Variants in SLC39A11 observed in about 807,000 individuals in gnomAD.
SLC39A11 encodes solute carrier family 39 member 11, also known as zinc transporter ZIP11.
Under a neutral mutation model 36.1 loss-of-function variants are expected in SLC39A11, and 33 were observed. The ratio of observed to expected loss-of-function variants is 0.91; its 90% CI spans 0.69 to 1.22. The LOEUF (loss-of-function observed/expected upper bound fraction) is 1.22. SLC39A11 is among the 50% of genes most tolerant of loss of function. The pLI, the probability that SLC39A11 is intolerant of heterozygous loss-of-function variation, is 0.00. For synonymous variants in SLC39A11, 166 were observed against 170.3 expected (o/e 0.97, Z 0.20); for missense variants, 432 against 430.3 (o/e 1.00, Z -0.03).
intron 7 of SLC39A11, among the ~76,000 whole-genome samples, chr17:72,683,627 C>G (rs999220974): frequency 6.6e-6 from 1 of 152,104 alleles, no homozygotes; most frequent in African/African-American, 2.4e-5. Context: ...TGCGCCTGGC[C>G]TGAGGCTGAT....
intron 7 of SLC39A11, among the ~76,000 whole-genome samples, chr17:72,692,053 C>T (rs1182403512): frequency 6.6e-6 from 1 of 150,572 alleles, no homozygotes; most frequent in Non-Finnish European, 1.5e-5. Context: ...CTCTGTCACT[C>T]AGGCTGGAGT....
intron 6 of SLC39A11, among the ~76,000 whole-genome samples, chr17:72,737,344 G>A (rs2074474072): frequency 6.6e-6 from 1 of 152,124 alleles, no homozygotes; most frequent in African/African-American, 2.4e-5. Flanking sequence ...AAGTTGTACT[G>A]GCACACAGCC....
intron 7 of SLC39A11, among the ~76,000 whole-genome samples, chr17:72,654,141 A>G (rs1477651008): frequency 1.3e-5 from 2 of 152,084 alleles, no homozygotes; most frequent in Non-Finnish European, 2.9e-5. Flanking sequence ...TAGCCAGTCT[A>G]TAGGGGCAGG....
At chr17:72,739,481 A>G (rs2567476) in intron 6 of SLC39A11, among the ~76,000 whole-genome samples, 4,375 of 152,320 alleles carry the variant, frequency 0.029, 219 homozygotes, top group African/African-American at 0.1. Context: ...AAGAATTTTT[A>G]TAACAACCAA....
At chr17:72,679,556 C>G (rs1468614552) in intron 7 of SLC39A11, among the ~76,000 whole-genome samples, 1 of 152,176 alleles carries the variant, frequency 6.6e-6, no homozygotes, top group Non-Finnish European at 1.5e-5. Flanking sequence ...CAGCCGCGCC[C>G]ACCTCGGGCT....
Position 73,036,855 on chromosome 17 carries a change from C to T in SLC39A11, c.148-5141G>A, listed in dbSNP as rs2058935058. On this transcript the variant is annotated intron_variant, in intron 3 of 9. Coordinates refer to ENST00000255559, the MANE Select transcript of SLC39A11 (RefSeq NM_139177.4). ...TTACTGTATCATATACTTTCACTGC[C>T]CTAAAAAGTCCCTGTGCTCCACCTA... is the stretch of plus-strand genomic sequence containing the variant. Among the ~76,000 whole-genome samples, 3 of 152,106 alleles carry T rather than the reference C, an allele frequency of 2.0e-5. No individual in the cohort carries two copies. In the South Asian group the frequency reaches 6.2e-4, roughly 32 times the overall value.
At chr17:73,076,007 C>T (rs2060307754) in intron 3 of SLC39A11, among the ~76,000 whole-genome samples, 1 of 152,172 alleles carries the variant, frequency 6.6e-6, no homozygotes, top group Non-Finnish European at 1.5e-5. Context: ...TTTGGCAGAA[C>T]ACCTTGTACA....
intron 6 of SLC39A11, among the ~76,000 whole-genome samples, chr17:72,773,498 C>T (rs752082814): frequency 6.6e-6 from 1 of 152,082 alleles, no homozygotes; most frequent in Non-Finnish European, 1.5e-5. Context: ...GTAAGAAGTG[C>T]CTTTCACCTT....
chr17:72,850,799 T>C (rs2079272945), intron 5 of SLC39A11, among the ~76,000 whole-genome samples: 1 of 152,180 alleles, frequency 6.6e-6, no homozygotes, highest in Non-Finnish European at 1.5e-5. Flanking sequence ...TAAGTGCTGA[T>C]TGTATTGATG....
intron 7 of SLC39A11, among the ~76,000 whole-genome samples, chr17:72,649,618 CTG>C (rs997042589): frequency 6.6e-6 from 1 of 151,284 alleles, no homozygotes; most frequent in African/African-American, 2.4e-5. Flanking sequence ...TTCTACGCCT[CTG>C]TTTCTTTTTC....
chr17:72,691,081 C>T (rs2072006083), intron 7 of SLC39A11, among the ~76,000 whole-genome samples: 1 of 152,186 alleles, frequency 6.6e-6, no homozygotes, highest in African/African-American at 2.4e-5. Flanking sequence ...TACATGGAGT[C>T]TGCACAGGTG....
At position 72,937,970 on chromosome 17, in the gene SLC39A11, G is replaced by C. The variant is rs566750005; in HGVS notation, c.430+9782C>G. Among the ~76,000 whole-genome samples, 83 of 152,350 alleles carry C rather than the reference G, an allele frequency of 5.4e-4. No individual in the cohort carries two copies. The South Asian group carries it at 8.7e-3, about 16-fold the overall frequency. On this transcript the variant is annotated intron_variant, in intron 5 of 9. Coordinates refer to ENST00000255559, the MANE Select transcript of SLC39A11 (RefSeq NM_139177.4). ...AGTTTGTGTAATCAAGAAGTTGGCA[G>C]ACAGAGAGAGTGAATTCTGTTTCAG...
intron 6 of SLC39A11, among the ~76,000 whole-genome samples, chr17:72,771,484 G>A (rs921935610): frequency 1.3e-5 from 2 of 152,176 alleles, no homozygotes; most frequent in African/African-American, 4.8e-5. Context: ...GAGGAAATGG[G>A]GGGGTTACAG....
intron 6 of SLC39A11, among the ~76,000 whole-genome samples, chr17:72,806,030 C>A (rs373387540): frequency 6.6e-6 from 1 of 151,994 alleles, no homozygotes; most frequent in African/African-American, 2.4e-5. Context: ...TGGGATTACA[C>A]GTGTGAGCCA....
chr17:72,896,102 AATAG>A (rs768583138), intron 5 of SLC39A11, among the ~76,000 whole-genome samples: 7 of 151,920 alleles, frequency 4.6e-5, no homozygotes, highest in East Asian at 3.9e-4. Context: ...TGATTTTTGT[AATAG>A]ATAGGATTTT....
intron 5 of SLC39A11, among the ~76,000 whole-genome samples, chr17:72,893,414 C>T (rs979155565): frequency 6.6e-6 from 1 of 152,032 alleles, no homozygotes; most frequent in Non-Finnish European, 1.5e-5. Flanking sequence ...GACCCAGGAT[C>T]GTGCCACTGC....
At chr17:72,659,704 T>A (rs181097374) in intron 7 of SLC39A11, among the ~76,000 whole-genome samples, 2 of 147,854 alleles carry the variant, frequency 1.4e-5, no homozygotes, top group Non-Finnish European at 1.5e-5. Context: ...TGCCTCAGCC[T>A]CCCAAATAGC....
At chr17:72,742,235 A>T (rs535987817) in intron 6 of SLC39A11, among the ~76,000 whole-genome samples, 1 of 151,990 alleles carries the variant, frequency 6.6e-6, no homozygotes, top group Admixed American at 6.5e-5. Context: ...GAGGTGGCTG[A>T]CACTGGTGAG....
At chr17:72,933,657 T>C (rs2084563444) in intron 5 of SLC39A11, among the ~76,000 whole-genome samples, 1 of 152,138 alleles carries the variant, frequency 6.6e-6, no homozygotes. Context: ...GTAGCTGGGA[T>C]TACAGGCGCG....
Sources: allele counts gnomAD v4.1 joint callset (sites outside exome capture counted in the v4.1 genomes callset), GRCh38; gene constraint gnomAD v4.1.1; transcripts MANE v1.5; gene names NCBI Gene and HGNC (gene_info 2026-07-23, HGNC 2026-07-21).